EVC: variants seen among roughly 807,000 people sequenced by gnomAD.
EVC encodes the protein evC complex member EVC.
A neutral mutation model predicts 118.9 loss-of-function variants in EVC; 116 were observed. The ratio of observed to expected loss-of-function variants is 0.98; its 90% CI spans 0.84 to 1.14. The LOEUF (loss-of-function observed/expected upper bound fraction) is 1.14, where lower values mean the gene tolerates loss of function less well. Among genes scored for constraint, EVC ranks in the 50% most tolerant of loss-of-function variants. The pLI is 0.00. For missense variants in EVC, 1,401 were observed against 1,246.4 expected (o/e 1.12, Z -1.87); for synonymous variants, 619 against 534.7 (o/e 1.16, Z -2.18).
chr4:5,740,080 C>A (rs1012923414), intron 5 of EVC, among the ~76,000 whole-genome samples: 2 of 152,072 alleles, frequency 1.3e-5, no homozygotes, highest in Non-Finnish European at 2.9e-5. Flanking sequence ...ACAATAACAA[C>A]GACAAAAGAA....
rs578021948 is a variant in EVC at position 5,767,575 on chromosome 4, G to A, written c.1563+11213G>A. On this transcript the variant is annotated intron_variant, in intron 11 of 20. Transcript: ENST00000264956. Reference sequence around the variant, plus strand: ...AGACTCCTTGGGCATAGGACCCTCCGAGCCACGTGTGGGATATAATCTCCT... The same window carrying A: ...AGACTCCTTGGGCATAGGACCCTCCAAGCCACGTGTGGGATATAATCTCCT... 1.2e-3 allele frequency among the ~76,000 whole-genome samples: 186 copies of A among 151,116 alleles called. 2 individuals are homozygous for A. Among genetic ancestry groups the A allele is most frequent in the African/African-American group, 4.3e-3 (176 of 41,150 alleles).
intron 1 of EVC, 22 bp downstream of exon 1, chr4:5,711,576 C>A (rs1358229463): frequency 1.7e-6 from 2 of 1,170,970 alleles, no homozygotes; most frequent in African/African-American, 1.6e-5. Context: ...GAGCAGACAG[C>A]GGCGGGGCGG....
intron 11 of EVC, among the ~76,000 whole-genome samples, chr4:5,759,354 C>T (rs1229669878): frequency 6.6e-6 from 1 of 152,198 alleles, no homozygotes; most frequent in East Asian, 1.9e-4. Flanking sequence ...GACATGGTCA[C>T]TTCCTTGACT....
chr4:5,823,616 G>C, the EVC span, among the ~76,000 whole-genome samples: 1 of 151,970 alleles, frequency 6.6e-6, no homozygotes, highest in African/African-American at 2.4e-5. Flanking sequence ...TGCTCTATTA[G>C]CTCTCGGAAG....
At chr4:5,732,458 G>A (rs191371961) in intron 4 of EVC, among the ~76,000 whole-genome samples, 70 of 152,364 alleles carry the variant, frequency 4.6e-4, no homozygotes, top group African/African-American at 1.6e-3. Context: ...GGCTTAGAAC[G>A]GCTTGCTTTC....
the EVC span, chr4:5,825,741 C>T: frequency 3.4e-3 from 5,033 of 1,463,838 alleles, 140 homozygotes; most frequent in African/African-American, 0.064. The surrounding 1 kb of genome is among the most constrained non-coding windows in gnomAD (Gnocchi z 4.4). Context: ...GCCCTGCGGG[C>T]GAGAGAGAAA....
At chr4:5,714,442 T>C (rs989096118) in intron 1 of EVC, among the ~76,000 whole-genome samples, 1 of 152,186 alleles carries the variant, frequency 6.6e-6, no homozygotes, top group African/African-American at 2.4e-5. Context: ...GCTGATTATT[T>C]TGGGAATTTA....
rs201738879 is a variant in EVC, at chr4:5,748,133, G to T, written c.940-15G>T. The T allele has an allele frequency of 4.2e-5, 68 of 1,614,158 alleles. No homozygotes were observed. The highest frequency in any genetic ancestry group is 5.3e-5 in the Non-Finnish European group (63 of 1,180,030). On this transcript the variant is annotated splice_polypyrimidine_tract_variant and intron_variant, in intron 7 of 20. Transcript: ENST00000264956. The stretch of plus-strand genomic sequence containing the variant: ...TTTTTCACCTCACTTCTTGCTGCTT[G>T]TGCTCATTTCACAGATGGAAGCTTT...
intron 18 of EVC, among the ~76,000 whole-genome samples, chr4:5,809,101 G>C (rs188205406): frequency 7.4e-4 from 112 of 152,346 alleles, no homozygotes; most frequent in African/African-American, 2.5e-3. Flanking sequence ...CACAGGTTAC[G>C]TTGCTATCCA....
chr4:5,791,562 G>C (rs1712786928), intron 12 of EVC, among the ~76,000 whole-genome samples: 1 of 152,130 alleles, frequency 6.6e-6, no homozygotes, highest in South Asian at 2.1e-4. Flanking sequence ...GTCTGGAGGA[G>C]GGCAGAAGTA....
chr4:5,724,453 A>C (rs1316338251), intron 2 of EVC, among the ~76,000 whole-genome samples: 2 of 152,156 alleles, frequency 1.3e-5, no homozygotes, highest in Non-Finnish European at 1.5e-5. Context: ...ACTTCATGGC[A>C]CTTACTCTTG....
At chr4:5,773,533 T>G (rs1734289722) in intron 11 of EVC, among the ~76,000 whole-genome samples, 1 of 152,116 alleles carries the variant, frequency 6.6e-6, no homozygotes, top group Non-Finnish European at 1.5e-5. Flanking sequence ...GGCAGGGAAG[T>G]GCTCTCCACT....
chr4:5,753,275 T>C (rs1232950680), intron 9 of EVC, among the ~76,000 whole-genome samples: 1 of 152,160 alleles, frequency 6.6e-6, no homozygotes, highest in Non-Finnish European at 1.5e-5. Context: ...AGGGCAGGGG[T>C]CACCTGCTGC....
At chr4:5,733,075 C>G (rs1208377838) in intron 4 of EVC, among the ~76,000 whole-genome samples, 1 of 152,108 alleles carries the variant, frequency 6.6e-6, no homozygotes, top group African/African-American at 2.4e-5. Flanking sequence ...ATTTTTATTT[C>G]TCTCCCTTCC....
chr4:5,750,707 C>T (rs763511899), intron 8 of EVC, among the ~76,000 whole-genome samples: 4 of 152,110 alleles, frequency 2.6e-5, no homozygotes, highest in Non-Finnish European at 5.9e-5. Flanking sequence ...GAGCCCGGCA[C>T]GTAGGAAGCA....
intron 5 of EVC, 96 bp downstream of exon 5, chr4:5,733,531 C>A (rs774413712): frequency 1.3e-5 from 14 of 1,073,828 alleles, no homozygotes; most frequent in Non-Finnish European, 1.9e-5. Flanking sequence ...CCTTGAGAGG[C>A]AGACATCAGT....
intron 8 of EVC, among the ~76,000 whole-genome samples, chr4:5,751,098 G>A (rs1277916542): frequency 1.3e-5 from 2 of 152,216 alleles, no homozygotes; most frequent in Admixed American, 6.5e-5. Flanking sequence ...GTAGATAATG[G>A]TGAAAACAGC....
intron 8 of EVC, chr4:5,752,536 T>A (rs1251605283): frequency 4.1e-6 from 2 of 487,112 alleles, no homozygotes; most frequent in Non-Finnish European, 7.5e-6. Context: ...CTTGACCGTT[T>A]GTAAATCTGG....
At chr4:5,725,461 T>C (rs1329813221) in intron 2 of EVC, among the ~76,000 whole-genome samples, 1 of 152,256 alleles carries the variant, frequency 6.6e-6, no homozygotes, top group Non-Finnish European at 1.5e-5. Flanking sequence ...GATTTGCATC[T>C]CTCTAATGAT....
Sources: allele counts gnomAD v4.1 joint callset (sites outside exome capture counted in the v4.1 genomes callset), GRCh38; gene constraint gnomAD v4.1.1; non-coding constraint Gnocchi (gnomAD v3.1); transcripts MANE v1.5; gene names NCBI Gene and HGNC (gene_info 2026-07-23, HGNC 2026-07-21).